IQCK: variants seen among roughly 807,000 people sequenced by gnomAD.
IQCK encodes IQ motif containing K.
IQCK carries 29 observed loss-of-function variants against 28.1 expected under a neutral mutation model. The ratio of observed to expected loss-of-function variants is 1.03; its 90% CI spans 0.77 to 1.41. IQCK has a LOEUF of 1.41. Ranked by LOEUF, IQCK falls within the 40% of genes most tolerant of loss-of-function variation. The pLI is 0.00. For synonymous variants in IQCK, 113 were observed against 115.1 expected (o/e 0.98, Z 0.12); for missense variants, 359 against 314.7 (o/e 1.14, Z -1.07).
intron 4 of IQCK, among the ~76,000 whole-genome samples, chr16:19,739,392 GAGA>G (rs1474643096): frequency 6.6e-6 from 1 of 152,190 alleles, no homozygotes; most frequent in East Asian, 1.9e-4. Flanking sequence ...CTCTGCTGAT[GAGA>G]ACTGTAAACA....
intron 4 of IQCK, among the ~76,000 whole-genome samples, chr16:19,757,694 CT>C (rs1467064074): frequency 6.6e-6 from 1 of 152,114 alleles, no homozygotes; most frequent in African/African-American, 2.4e-5. Context: ...TGCATTTTCT[CT>C]TTTAGAGGTC....
chr16:19,829,661 G>A (rs553344647), downstream of IQCK, among the ~76,000 whole-genome samples: 1 of 152,224 alleles, frequency 6.6e-6, no homozygotes, highest in South Asian at 2.1e-4. Flanking sequence ...AGAACCTAAG[G>A]AGATGTGAGA....
intron 1 of IQCK, among the ~76,000 whole-genome samples, chr16:19,719,274 G>T (rs915638465): frequency 4.6e-5 from 7 of 152,084 alleles, no homozygotes; most frequent in African/African-American, 1.7e-4. Context: ...GTAAGCGCTA[G>T]TTCTTAATGA....
intron 6 of IQCK, among the ~76,000 whole-genome samples, chr16:19,778,520 G>A (rs1160018379): frequency 1.3e-5 from 2 of 152,032 alleles, no homozygotes; most frequent in Admixed American, 6.6e-5. Flanking sequence ...AGCTGGGTGT[G>A]ATGGCAGACA....
At chr16:19,854,375 C>A (rs1393936180) in intron 9 of IQCK, among the ~76,000 whole-genome samples, 1 of 152,054 alleles carries the variant, frequency 6.6e-6, no homozygotes, top group Non-Finnish European at 1.5e-5. Context: ...CTAACAATTT[C>A]CCCCTATTGC....
At chr16:19,736,003 T>A (rs1597504535) in intron 4 of IQCK, 2 of 419,204 alleles carry the variant, frequency 4.8e-6, no homozygotes, top group Admixed American at 5.5e-5. Context: ...AAGTTTGAGG[T>A]TGCAGTGATC....
intron 7 of IQCK, among the ~76,000 whole-genome samples, chr16:19,805,699 TC>T (rs2055824569): frequency 6.6e-6 from 1 of 152,198 alleles, no homozygotes; most frequent in Non-Finnish European, 1.5e-5. Flanking sequence ...CATGGGTTCT[TC>T]CTGTGTGCTG....
chr16:19,719,495 G>A (rs1057323810), intron 1 of IQCK, among the ~76,000 whole-genome samples: 6 of 151,426 alleles, frequency 4.0e-5, no homozygotes, highest in Admixed American at 1.3e-4. Flanking sequence ...GGAGGCTGAG[G>A]AAAGGGAATT....
At chr16:19,721,911 T>G (rs1977507269) in intron 1 of IQCK, among the ~76,000 whole-genome samples, 1 of 151,706 alleles carries the variant, frequency 6.6e-6, no homozygotes, top group Non-Finnish European at 1.5e-5. Flanking sequence ...CTGTGATTAC[T>G]GTTATCAGCA....
chr16:19,767,048 TC>T (rs1432679411), intron 6 of IQCK, among the ~76,000 whole-genome samples: 2 of 152,100 alleles, frequency 1.3e-5, no homozygotes, highest in Non-Finnish European at 2.9e-5. Context: ...AATTACCTTG[TC>T]CCCCTCGCAG....
At chr16:19,840,255 C>A (rs2056349727) in intron 9 of IQCK, among the ~76,000 whole-genome samples, 1 of 151,934 alleles carries the variant, frequency 6.6e-6, no homozygotes, top group Non-Finnish European at 1.5e-5. Context: ...ACTTAGAAGG[C>A]TGAAGCAGGA....
chr16:19,718,491 GGAAAC>G lies in IQCK; in HGVS notation c.181+5_181+9del, dbSNP rs751157154. On this transcript the variant is annotated splice_donor_5th_base_variant and intron_variant, in intron 1 of 7. Coordinates refer to ENST00000564186, the Ensembl canonical transcript of IQCK. ...CTGTGGGAGCAGATCTGCAAGGGTA[GGAAAC>G]CTGGGCTGGCCGAGAGGGGCGGGAC... 1.9e-6 allele frequency: 3 copies of G among 1,599,078 alleles called. No individual in the cohort carries two copies. The highest frequency in any genetic ancestry group is 2.6e-6 in the Non-Finnish European group (3 of 1,173,928).
chr16:19,749,628 C>T (rs932275541), intron 4 of IQCK, among the ~76,000 whole-genome samples: 5 of 152,014 alleles, frequency 3.3e-5, no homozygotes, highest in African/African-American at 1.2e-4. Flanking sequence ...TTGCTGGGCA[C>T]CATGGTGTGC....
chr16:19,734,089 A>G, intron 3 of IQCK: 1 of 339,538 alleles, frequency 2.9e-6, no homozygotes, highest in Non-Finnish European at 5.4e-6. Context: ...CAGTAAACAC[A>G]TGTAGCCGGC....
intron 1 of IQCK, among the ~76,000 whole-genome samples, chr16:19,728,195 A>G (rs999156160): frequency 6.6e-6 from 1 of 152,058 alleles, no homozygotes; most frequent in African/African-American, 2.4e-5. Context: ...GAGGGACCCC[A>G]GCTGACAACC....
chr16:19,730,243 A>G (rs1170284576), intron 1 of IQCK, among the ~76,000 whole-genome samples, 187 bp from the exon 2 acceptor site: 2 of 152,224 alleles, frequency 1.3e-5, no homozygotes, highest in Admixed American at 1.3e-4. Context: ...GGTGTGAGCC[A>G]CCGCACCCGG....
In IQCK at chr16:19,820,388, G is replaced by A. The variant is rs538392854; in HGVS notation, c.691-6638G>A. The stretch of plus-strand genomic sequence containing the variant: ...AAAATTGCTGGGCTTGGTGGCTCAC[G>A]CCTGTAATCCCAGCACTTTGGGAGG... On this transcript the variant is annotated intron_variant, in intron 7 of 7. Transcript: ENST00000564186. Among the ~76,000 whole-genome samples, 27 of 152,192 alleles carry A rather than the reference G, an allele frequency of 1.8e-4. No individual in the cohort carries two copies. In the South Asian group the frequency reaches 4.6e-3, roughly 26 times the overall value.
At chr16:19,827,297 A>T, downstream of IQCK, 1 of 610,450 alleles carries the variant, frequency 1.6e-6, no homozygotes, top group South Asian at 2.0e-5. Context: ...TCTGCTATGG[A>T]ATGACAGAGG....
chr16:19,737,048 G>C (rs1470599073), intron 4 of IQCK, among the ~76,000 whole-genome samples: 1 of 151,434 alleles, frequency 6.6e-6, no homozygotes, highest in Non-Finnish European at 1.5e-5. Flanking sequence ...TGTAGTCCCA[G>C]CTGCTCATGG....
Sources: allele counts gnomAD v4.1 joint callset (sites outside exome capture counted in the v4.1 genomes callset), GRCh38; gene constraint gnomAD v4.1.1; transcripts MANE v1.5; gene names NCBI Gene and HGNC (gene_info 2026-07-23, HGNC 2026-07-21).